SNX3: variants seen among roughly 807,000 people sequenced by gnomAD.
SNX3 encodes sorting nexin-3.
A neutral mutation model predicts 17.7 loss-of-function variants in SNX3; 5 were observed. The ratio of observed to expected loss-of-function variants is 0.28; its 90% CI spans 0.15 to 0.59. The LOEUF is 0.59. Ranked by LOEUF, SNX3 falls within the 20% of genes least tolerant of loss-of-function variation. The probability of loss-of-function intolerance (pLI) is 0.88; values close to 1 mark genes in which losing one functional copy is unlikely to be tolerated. For synonymous variants in SNX3, 91 were observed against 76.5 expected (o/e 1.19, Z -0.99); for missense variants, 132 against 206.8 (o/e 0.64, Z 2.22).
chr6:108,235,327 G>A (rs1763627109), intron 1 of SNX3, among the ~76,000 whole-genome samples: 2 of 152,086 alleles, frequency 1.3e-5, no homozygotes, highest in South Asian at 2.1e-4. Flanking sequence ...CCATATGACC[G>A]AGTTATCTCA....
At chr6:108,260,698 C>A (rs1776165102) in intron 1 of SNX3, 62 bp downstream of exon 1, 1 of 1,585,230 alleles carries the variant, frequency 6.3e-7, no homozygotes, top group Non-Finnish European at 8.6e-7. Context: ...ACTCCCGGGT[C>A]GAGTGGGGGT....
At chr6:108,239,464 A>C (rs1775453151) in intron 1 of SNX3, among the ~76,000 whole-genome samples, 1 of 152,200 alleles carries the variant, frequency 6.6e-6, no homozygotes, top group South Asian at 2.1e-4. Flanking sequence ...CTCTTAAAAG[A>C]AAAAGAAAGA....
chr6:108,214,669 G>T, intron 2 of SNX3, 47 bp from the exon 3 acceptor site: 1 of 1,584,278 alleles, frequency 6.3e-7, no homozygotes, highest in South Asian at 1.2e-5. Flanking sequence ...ACTGGGTTGT[G>T]AAAATTTATA....
chr6:108,227,473 T>C (rs1294033505), intron 1 of SNX3, among the ~76,000 whole-genome samples: 2 of 152,196 alleles, frequency 1.3e-5, no homozygotes, highest in Admixed American at 1.3e-4. Flanking sequence ...TTTGAACTTT[T>C]GACACAATCA....
intron 2 of SNX3, among the ~76,000 whole-genome samples, chr6:108,220,710 G>A (rs888483229): frequency 1.6e-4 from 25 of 152,246 alleles, no homozygotes; most frequent in African/African-American, 5.5e-4. Flanking sequence ...AGGCACAGTG[G>A]CTCACACCTG....
At position 108,217,729 on chromosome 6, in the gene SNX3, CGA is replaced by C. The variant is rs369501796; in HGVS notation, c.259-3109_259-3108del. 4.0e-3 allele frequency among the ~76,000 whole-genome samples: 578 copies of C among 143,412 alleles called. 6 individuals are homozygous for C. The highest frequency in any genetic ancestry group is 0.015 in the African/African-American group (557 of 38,138). The allele number at this position is 143,412 out of a possible 152,430, so 94.1% of individuals were successfully genotyped here. ...CTGCACCACGGTACTCCAGCCTGGG[CGA>C]GAGCTAGACACCGTCTCAAAAAAAA... On this transcript the variant is annotated intron_variant, in intron 2 of 3. Transcript: ENST00000230085.
intron 2 of SNX3, among the ~76,000 whole-genome samples, chr6:108,218,981 T>C (rs777176680): frequency 4.6e-5 from 7 of 152,232 alleles, no homozygotes; most frequent in Non-Finnish European, 7.3e-5. Flanking sequence ...TGTGAACATA[T>C]TAAAAACCAG....
intron 1 of SNX3, among the ~76,000 whole-genome samples, chr6:108,235,821 G>A (rs529979166): frequency 6.6e-6 from 1 of 152,210 alleles, no homozygotes; most frequent in Admixed American, 6.5e-5. Context: ...ACATGAAAGC[G>A]GAGGTTGCAG....
intron 1 of SNX3, among the ~76,000 whole-genome samples, chr6:108,228,862 C>T (rs2114725694): frequency 6.6e-6 from 1 of 151,948 alleles, no homozygotes; most frequent in African/African-American, 2.4e-5. Context: ...CAAAAAAGAC[C>T]AGAAACAATA....
At position 108,238,101 on chromosome 6, in the gene SNX3, C is replaced by CAA. The variant is rs11287104; in HGVS notation, c.163-15058_163-15057dup. 5.3e-3 allele frequency among the ~76,000 whole-genome samples: 450 copies of CAA among 85,350 alleles called. 6 individuals carry two copies. Among genetic ancestry groups the CAA allele is most frequent in the African/African-American group, 0.018 (371 of 21,038 alleles). The allele number at this position is 85,350 out of a possible 152,430, so 56.0% of individuals were successfully genotyped here. A position where few individuals can be genotyped will look rare whatever the true frequency, so the allele number is the denominator to read the frequency against. ...TGGGCAACAAAGTGAGATCCTGTCT[C>CAA]AAAAAAAAAAAAAAAAAAACAAACA... On this transcript the variant is annotated intron_variant, in intron 1 of 3. Coordinates refer to ENST00000230085, the MANE Select transcript of SNX3 (RefSeq NM_003795.6).
intron 1 of SNX3, among the ~76,000 whole-genome samples, chr6:108,241,143 CAAAAAAAAA>C (rs71274311): frequency 2.5e-4 from 13 of 51,182 alleles, no homozygotes; most frequent in Non-Finnish European, 5.0e-4. Context: ...GACTCCGTCT[CAAAAAAAAA>C]AAAAAAAAAA....
At chr6:108,245,780 C>T (rs944960806) in intron 1 of SNX3, among the ~76,000 whole-genome samples, 1 of 152,178 alleles carries the variant, frequency 6.6e-6, no homozygotes, top group Non-Finnish European at 1.5e-5. Context: ...ATATCCTTTG[C>T]CCACTTTTTG....
chr6:108,260,656 G>T, intron 1 of SNX3, 104 bp downstream of exon 1: 2 of 1,349,354 alleles, frequency 1.5e-6, no homozygotes, highest in Non-Finnish European at 2.1e-6. Context: ...GGGGCTCCCG[G>T]CCTGGGAGGC....
chr6:108,228,099 T>C (rs1463836371), intron 1 of SNX3, among the ~76,000 whole-genome samples: 1 of 152,080 alleles, frequency 6.6e-6, no homozygotes, highest in African/African-American at 2.4e-5. Flanking sequence ...ATATAAAAAG[T>C]TGAATTTCCA....
rs146488422 is a variant in SNX3, at chr6:108,237,470, G to A, written c.163-14425C>T. Among the ~76,000 whole-genome samples the A allele has an allele frequency of 1.0e-3, 154 of 152,172 alleles. 3 individuals are homozygous for A. In the East Asian group the frequency reaches 0.027, roughly 27 times the overall value. ...GATGTTACTTAGAATGCTAATAAGT[G>A]TACAACATAAAAGGCATTAAGAATC... On this transcript the variant is annotated intron_variant, in intron 1 of 3. Coordinates refer to ENST00000230085, the MANE Select transcript of SNX3 (RefSeq NM_003795.6).
At chr6:108,248,432 A>G (rs371759962) in intron 1 of SNX3, among the ~76,000 whole-genome samples, 7 of 152,356 alleles carry the variant, frequency 4.6e-5, no homozygotes, top group African/African-American at 1.2e-4. Context: ...ATGCAGTAAC[A>G]TGTGTTATTA....
chr6:108,244,893 G>T (rs577175088), intron 1 of SNX3, among the ~76,000 whole-genome samples: 3 of 152,058 alleles, frequency 2.0e-5, no homozygotes, highest in African/African-American at 7.2e-5. Context: ...ACCTGCCTCG[G>T]CCTCCTAAAC....
chr6:108,219,294 G>A (rs1761593145), intron 2 of SNX3, among the ~76,000 whole-genome samples: 1 of 151,810 alleles, frequency 6.6e-6, no homozygotes, highest in Admixed American at 6.6e-5. Flanking sequence ...GTCAAGCAAA[G>A]CCCAAAGCCT....
intron 1 of SNX3, among the ~76,000 whole-genome samples, chr6:108,228,233 C>T (rs1775031503): frequency 6.6e-6 from 1 of 151,900 alleles, no homozygotes; most frequent in African/African-American, 2.4e-5. Flanking sequence ...GGTGAGACCC[C>T]CATCTCTACA....
Sources: gnomAD v4.1 joint callset for allele counts (sites outside exome capture counted in the v4.1 genomes callset) on GRCh38, gnomAD v4.1.1 for gene constraint, MANE v1.5 for transcripts, NCBI Gene and HGNC (gene_info 2026-07-23, HGNC 2026-07-21) for gene names.